The following TBC1D5 variants were observed in gnomAD, a reference collection of about 807,000 sequenced individuals.
The protein encoded by TBC1D5 is TBC1 domain family member 5.
Under a neutral mutation model 100.3 loss-of-function variants are expected in TBC1D5, and 75 were observed. That is an observed-to-expected ratio of 0.75 (90% CI 0.62 to 0.91). TBC1D5 has a LOEUF of 0.91. Ranked by LOEUF, TBC1D5 falls within the 40% of genes least tolerant of loss-of-function variation. The pLI, the probability that TBC1D5 is intolerant of heterozygous loss-of-function variation, is 0.00. For synonymous variants in TBC1D5, 323 were observed against 325.6 expected (o/e 0.99, Z 0.09); for missense variants, 910 against 942.4 (o/e 0.97, Z 0.45).
chr3:17,437,562 ATGTGTGTGTG>A (rs60714048), intron 3 of TBC1D5, among the ~76,000 whole-genome samples: 2 of 139,954 alleles, frequency 1.4e-5, no homozygotes, highest in African/African-American at 5.2e-5. Flanking sequence ...GGTAGTATGC[ATGTGTGTGTG>A]TGTGTGTGTG....
intron 1 of TBC1D5, among the ~76,000 whole-genome samples, chr3:17,675,992 T>C (rs2068576782): frequency 6.6e-6 from 1 of 152,132 alleles, no homozygotes; most frequent in African/African-American, 2.4e-5. Context: ...ATATCTTGTA[T>C]CTTAATTCCT....
intron 2 of TBC1D5, among the ~76,000 whole-genome samples, chr3:17,552,491 C>T (rs576361682): frequency 6.6e-6 from 1 of 152,084 alleles, no homozygotes; most frequent in African/African-American, 2.4e-5. Context: ...AAAGGCAAAT[C>T]ATGAAAGAAG....
chr3:17,432,029 TA>T (rs2094454855), intron 3 of TBC1D5, among the ~76,000 whole-genome samples: 1 of 152,138 alleles, frequency 6.6e-6, no homozygotes, highest in African/African-American at 2.4e-5. Flanking sequence ...AATAACACTA[TA>T]AATAATCACG....
intron 21 of TBC1D5, among the ~76,000 whole-genome samples, chr3:17,163,937 G>A (rs2066337721): frequency 6.6e-6 from 1 of 152,214 alleles, no homozygotes. Context: ...AAGGGCAAGT[G>A]ATGCGTTGGC....
chr3:17,462,236 A>G (rs1196866685), intron 3 of TBC1D5, among the ~76,000 whole-genome samples: 1 of 151,758 alleles, frequency 6.6e-6, no homozygotes, highest in African/African-American at 2.4e-5. Flanking sequence ...TTCCTAATAA[A>G]TCAGTGGAGA....
chr3:17,716,851 T>A (rs2075281090), intron 1 of TBC1D5, among the ~76,000 whole-genome samples: 1 of 152,034 alleles, frequency 6.6e-6, no homozygotes, highest in South Asian at 2.1e-4. Flanking sequence ...ACAAGGTTTA[T>A]TAATCTGAGT....
At chr3:17,496,551 G>A (rs1246182751) in intron 3 of TBC1D5, among the ~76,000 whole-genome samples, 1 of 152,040 alleles carries the variant, frequency 6.6e-6, no homozygotes, top group African/African-American at 2.4e-5. Flanking sequence ...GCATAAAATG[G>A]ACCATATAGA....
intron 8 of TBC1D5, among the ~76,000 whole-genome samples, chr3:17,384,606 G>A (rs1474554047): frequency 6.6e-6 from 1 of 152,016 alleles, no homozygotes; most frequent in Non-Finnish European, 1.5e-5. Context: ...TCATCTAGTA[G>A]TAGTAGTCAA....
At chr3:17,250,097 C>T (rs2077059109) in intron 16 of TBC1D5, among the ~76,000 whole-genome samples, 1 of 152,190 alleles carries the variant, frequency 6.6e-6, no homozygotes, top group African/African-American at 2.4e-5. Flanking sequence ...ATGAGGTGTG[C>T]TTGTAATAAT....
chr3:17,179,770 A>G (rs1387493942), intron 19 of TBC1D5, among the ~76,000 whole-genome samples: 2 of 152,232 alleles, frequency 1.3e-5, no homozygotes, highest in Admixed American at 6.5e-5. Flanking sequence ...CATTAATTGC[A>G]TTTAACCATC....
intron 3 of TBC1D5, among the ~76,000 whole-genome samples, chr3:17,472,230 C>T (rs1177145507): frequency 1.3e-5 from 2 of 151,806 alleles, no homozygotes; most frequent in East Asian, 1.9e-4. Context: ...CCTCCACCTC[C>T]TGAGTTCAAG....
intron 1 of TBC1D5, among the ~76,000 whole-genome samples, chr3:17,716,401 G>T (rs2075244095): frequency 1.3e-5 from 2 of 151,330 alleles, no homozygotes; most frequent in Admixed American, 1.3e-4. Flanking sequence ...CAACTGGAAG[G>T]ATTATGGGAT....
At chr3:17,214,959 C>A (rs1258100621) in intron 17 of TBC1D5, among the ~76,000 whole-genome samples, 1 of 151,964 alleles carries the variant, frequency 6.6e-6, no homozygotes, top group Non-Finnish European at 1.5e-5. Context: ...CTTCGGTGTT[C>A]AAGGAGATCA....
intron 3 of TBC1D5, among the ~76,000 whole-genome samples, chr3:17,485,392 G>C (rs1174853847): frequency 6.6e-6 from 1 of 151,126 alleles, no homozygotes; most frequent in Non-Finnish European, 1.5e-5. Context: ...GTGCAGGTTA[G>C]TTACATATGT....
intron 18 of TBC1D5, among the ~76,000 whole-genome samples, chr3:17,186,387 G>A (rs2069075704): frequency 6.6e-6 from 1 of 152,148 alleles, no homozygotes; most frequent in Non-Finnish European, 1.5e-5. Context: ...TAGCCCGTAG[G>A]AATAGGCATT....
chr3:17,186,457 C>G (rs1220033582), intron 18 of TBC1D5, among the ~76,000 whole-genome samples: 2 of 151,730 alleles, frequency 1.3e-5, no homozygotes, highest in Non-Finnish European at 2.9e-5. Flanking sequence ...GCCTGTAATC[C>G]CAGCACTTTG....
intron 13 of TBC1D5, among the ~76,000 whole-genome samples, chr3:17,352,313 C>T (rs1047717755): frequency 2.0e-5 from 3 of 151,766 alleles, no homozygotes; most frequent in Non-Finnish European, 2.9e-5. Context: ...ATAAAAAATA[C>T]CTTTTATTTT....
intron 3 of TBC1D5, among the ~76,000 whole-genome samples, chr3:17,502,430 C>A (rs955143002): frequency 6.7e-6 from 1 of 149,238 alleles, no homozygotes; most frequent in African/African-American, 2.6e-5. Context: ...TCTACTTCTC[C>A]AGCCTCTTTT....
At chr3:17,436,484 GCTT>G (rs2094537938) in intron 3 of TBC1D5, among the ~76,000 whole-genome samples, 1 of 152,016 alleles carries the variant, frequency 6.6e-6, no homozygotes, top group African/African-American at 2.4e-5. Context: ...GAATATTGTG[GCTT>G]TTTTCTTCTT....
Sources: allele counts gnomAD v4.1 joint callset (sites outside exome capture counted in the v4.1 genomes callset), GRCh38; gene constraint gnomAD v4.1.1; transcripts MANE v1.5; gene names NCBI Gene and HGNC (gene_info 2026-07-23, HGNC 2026-07-21).